The following ROBO2 variants were observed in gnomAD, a reference collection of about 807,000 sequenced individuals.
ROBO2 encodes roundabout homolog 2.
Under a neutral mutation model 160.8 loss-of-function variants are expected in ROBO2, and 53 were observed. The observed-to-expected ratio is 0.33, with a 90% CI of 0.26 to 0.41. The LOEUF (loss-of-function observed/expected upper bound fraction) is 0.41, where lower values mean the gene tolerates loss of function less well. Ranked by LOEUF, ROBO2 falls within the 10% of genes least tolerant of loss-of-function variation. ROBO2 has a pLI of 1.00. For synonymous variants in ROBO2, 664 were observed against 611.7 expected, an observed-to-expected ratio of 1.09 and a Z score of -1.26; for missense variants, 1,577 against 1,722.4, an observed-to-expected ratio of 0.92 and a Z score of 1.49.
At chr3:75,932,619 T>G (rs1947594589) in intron 1 of ROBO2, among the ~76,000 whole-genome samples, 1 of 152,214 alleles carries the variant, frequency 6.6e-6, no homozygotes, top group Admixed American at 6.5e-5. Flanking sequence ...GAAGTGCGTG[T>G]TATGTTACCA....
rs1255338472 is a variant in ROBO2 at position 77,129,126 on chromosome 3, A to T, written c.388+30786A>T. Among the ~76,000 whole-genome samples, 7 of 151,616 alleles carry T rather than the reference A, an allele frequency of 4.6e-5. No individual in the cohort carries two copies. The East Asian group carries it at 1.4e-3, about 29-fold the overall frequency. On this transcript the variant is annotated intron_variant, in intron 2 of 25. Coordinates refer to ENST00000461745, the Ensembl canonical transcript of ROBO2. ...TTTACAACTGTCTTTTTTTCTACTA[A>T]TTATTTCTTTATTTTTAGTAATAAT...
intron 2 of ROBO2, among the ~76,000 whole-genome samples, chr3:77,387,181 T>A (rs1448096135): frequency 2.6e-5 from 4 of 151,674 alleles, no homozygotes; most frequent in Admixed American, 2.6e-4. Context: ...GGGACTATCA[T>A]GCCCCTGGTG....
At chr3:76,378,507 A>C (rs1420096063) in intron 2 of ROBO2, among the ~76,000 whole-genome samples, 1 of 152,124 alleles carries the variant, frequency 6.6e-6, no homozygotes, top group Middle Eastern at 3.2e-3. Flanking sequence ...TCCCTCCATC[A>C]ATCCTTTTAT....
chr3:77,056,099 G>A (rs1335363189), intron 1 of ROBO2, among the ~76,000 whole-genome samples: 2 of 152,202 alleles, frequency 1.3e-5, no homozygotes, highest in African/African-American at 4.8e-5. Context: ...AAATATCTGA[G>A]TTGCAGCTTT....
intron 2 of ROBO2, among the ~76,000 whole-genome samples, chr3:76,483,432 G>A (rs1243265155): frequency 1.3e-5 from 2 of 151,852 alleles, no homozygotes; most frequent in Non-Finnish European, 2.9e-5. Flanking sequence ...CAGGTACTGA[G>A]CATAGTACCC....
rs1256532397 is a variant in ROBO2 at position 76,414,616 on chromosome 3, TGGGGAGG to T, written c.109+477030_109+477036del. ...GAATATCACACTCTGGGGACTGTGG[TGGGGAGG>T]GGGGAGGGGGGAGGGATAGCATTGG... On this transcript the variant is annotated intron_variant, in intron 2 of 26. Coordinates refer to the ROBO2 transcript ENST00000487694. Among the ~76,000 whole-genome samples the T allele has an allele frequency of 9.1e-3, 381 of 41,822 alleles. 4 individuals carry two copies. The highest frequency in any genetic ancestry group is 0.036 in the African/African-American group (365 of 10,160). The allele number at this position is 41,822 out of a possible 152,430, so 27.4% of individuals were successfully genotyped here. A position where few individuals can be genotyped will look rare whatever the true frequency, so the allele number is the denominator to read the frequency against.
intron 2 of ROBO2, among the ~76,000 whole-genome samples, chr3:76,297,679 C>T (rs1339954278): frequency 3.7e-5 from 3 of 80,088 alleles, no homozygotes; most frequent in South Asian, 7.9e-4. Context: ...GATCAAAGTA[C>T]TTGGAGAAGA....
chr3:76,605,284 C>A (rs2087556654), intron 2 of ROBO2, among the ~76,000 whole-genome samples: 1 of 151,796 alleles, frequency 6.6e-6, no homozygotes, highest in African/African-American at 2.4e-5. Flanking sequence ...AGACATAGAT[C>A]AGATATGTAG....
chr3:77,039,608 C>T (rs77461867), upstream of ROBO2, among the ~76,000 whole-genome samples: 19,914 of 152,080 alleles, frequency 0.13, 1,380 homozygotes, highest in African/African-American at 0.16. Context: ...CCCTCGGCAG[C>T]CGGCGGGGCT....
intron 2 of ROBO2, among the ~76,000 whole-genome samples, chr3:76,243,045 C>T (rs1254236939): frequency 6.6e-6 from 1 of 152,146 alleles, no homozygotes; most frequent in Admixed American, 6.5e-5. Flanking sequence ...TCTGTAAAAA[C>T]GGCTAATCCC....
rs529047810 is a variant in ROBO2 at position 77,180,407 on chromosome 3, T to A, written c.388+82067T>A. Among the ~76,000 whole-genome samples, 2 of 111,864 alleles carry A rather than the reference T, an allele frequency of 1.8e-5. 1 individual carries two copies. The highest frequency in any genetic ancestry group is 5.5e-4 in the South Asian group (2 of 3,634). 73.4% of individuals were successfully genotyped at this position (111,864 alleles called of 152,430 possible). On this transcript the variant is annotated intron_variant, in intron 2 of 25. Coordinates refer to ENST00000461745, the Ensembl canonical transcript of ROBO2. ...TTTGAATTCTCTCTCTCTCTCTCTC[T>A]CTCTCTCTCTATATATATATATATG... is the stretch of plus-strand genomic sequence containing the variant.
chr3:76,187,493 T>G (rs187209841), intron 2 of ROBO2, among the ~76,000 whole-genome samples: 2 of 152,186 alleles, frequency 1.3e-5, no homozygotes, highest in African/African-American at 4.8e-5. Flanking sequence ...CAGGCTAGTT[T>G]GAATTCCTGA....
intron 9 of ROBO2, among the ~76,000 whole-genome samples, chr3:77,558,706 T>TA (rs991408616): frequency 2.6e-5 from 4 of 151,990 alleles, no homozygotes; most frequent in African/African-American, 7.2e-5. Flanking sequence ...GTTTACATGA[T>TA]AAAAAATGAG....
chr3:76,321,386 G>T (rs1042667612), intron 2 of ROBO2, among the ~76,000 whole-genome samples: 3 of 151,934 alleles, frequency 2.0e-5, no homozygotes, highest in Non-Finnish European at 4.4e-5. Context: ...GTGGTGGCGC[G>T]CCACTGCTCA....
intron 2 of ROBO2, among the ~76,000 whole-genome samples, chr3:76,998,717 A>G (rs1468089376): frequency 6.6e-6 from 1 of 152,144 alleles, no homozygotes; most frequent in Non-Finnish European, 1.5e-5. Context: ...CAACTAGCCT[A>G]TGACTAATTT....
intron 2 of ROBO2, among the ~76,000 whole-genome samples, chr3:76,224,382 C>A (rs770539447): frequency 6.6e-6 from 1 of 152,148 alleles, no homozygotes; most frequent in Non-Finnish European, 1.5e-5. Context: ...GTGTCTAAGT[C>A]TCCAAGAACT....
At chr3:76,273,120 A>AATATATATATAAATATAT (rs1707690047) in intron 2 of ROBO2, among the ~76,000 whole-genome samples, 1 of 32,330 alleles carries the variant, frequency 3.1e-5, no homozygotes, top group Non-Finnish European at 1.6e-4. Flanking sequence ...CACACATATA[A>AATATATATATAAATATAT]ATATATATAT....
intron 2 of ROBO2, among the ~76,000 whole-genome samples, chr3:76,511,851 A>G (rs1312225451): frequency 6.6e-6 from 1 of 152,208 alleles, no homozygotes; most frequent in Non-Finnish European, 1.5e-5. Flanking sequence ...AGTGGGAAGA[A>G]GTGGGTATCA....
At chr3:76,931,501 T>C (rs1392955249) in intron 2 of ROBO2, among the ~76,000 whole-genome samples, 1 of 151,988 alleles carries the variant, frequency 6.6e-6, no homozygotes, top group Non-Finnish European at 1.5e-5. Flanking sequence ...TATCTATTTA[T>C]GCTACCTTTT....
Sources: gnomAD v4.1 joint callset for allele counts (sites outside exome capture counted in the v4.1 genomes callset) on GRCh38, gnomAD v4.1.1 for gene constraint, MANE v1.5 for transcripts, NCBI Gene and HGNC (gene_info 2026-07-23, HGNC 2026-07-21) for gene names.